Variants in AP1B1 observed in about 807,000 individuals in gnomAD.
AP1B1 encodes AP-1 complex subunit beta-1.
In AP1B1, 36 loss-of-function variants were observed where a neutral mutation model predicts 104.3. The observed-to-expected ratio is 0.35, with a 90% confidence interval of 0.26 to 0.46. The LOEUF is 0.46. Ranked by LOEUF, AP1B1 falls within the 20% of genes least tolerant of loss-of-function variation. AP1B1 has a pLI of 1.00. For missense variants in AP1B1, 901 were observed against 1,247.9 expected (o/e 0.72, Z 4.19); for synonymous variants, 504 against 517.5 (o/e 0.97, Z 0.35).
intron 1 of AP1B1, among the ~76,000 whole-genome samples, chr22:29,375,885 T>A (rs1310239686): frequency 6.6e-6 from 1 of 152,208 alleles, no homozygotes; most frequent in Admixed American, 6.5e-5. Context: ...TCACTATGCC[T>A]ACCTCTCCCC....
chr22:29,355,531 C>A (rs2061943392), intron 6 of AP1B1, among the ~76,000 whole-genome samples: 1 of 152,000 alleles, frequency 6.6e-6, no homozygotes, highest in African/African-American at 2.4e-5. Context: ...GCTTGATAAC[C>A]CCTAGCAGGT....
chr22:29,354,077 T>C (rs1384939391), intron 7 of AP1B1, among the ~76,000 whole-genome samples: 26 of 152,130 alleles, frequency 1.7e-4, no homozygotes, highest in Non-Finnish European at 2.9e-5. Context: ...GCCATTCTCA[T>C]GGGAGGGAAG....
intron 14 of AP1B1, 33 bp from the exon 15 acceptor site, chr22:29,339,807 G>T (rs1463258313): frequency 6.2e-7 from 1 of 1,601,508 alleles, no homozygotes; most frequent in Admixed American, 1.7e-5. Flanking sequence ...GAAGAGAACA[G>T]GCAGCCACAT....
At chr22:29,373,186 A>G (rs1193887676) in intron 1 of AP1B1, among the ~76,000 whole-genome samples, 1 of 152,006 alleles carries the variant, frequency 6.6e-6, no homozygotes, top group Non-Finnish European at 1.5e-5. Context: ...TGGGAGGACT[A>G]CTTGAGCCTG....
chr22:29,337,235 G>A (rs893477282), intron 16 of AP1B1, among the ~76,000 whole-genome samples: 5 of 152,312 alleles, frequency 3.3e-5, no homozygotes, highest in Admixed American at 3.3e-4. Context: ...TGTGACCTTA[G>A]GCAAAAGCAC....
intron 11 of AP1B1, among the ~76,000 whole-genome samples, chr22:29,347,479 G>C (rs2061810844): frequency 6.6e-6 from 1 of 152,202 alleles, no homozygotes; most frequent in African/African-American, 2.4e-5. Context: ...CCAGGAAGGG[G>C]CAGAGGAGGG....
At chr22:29,361,316 G>C (rs1348357752) in intron 3 of AP1B1, among the ~76,000 whole-genome samples, 2 of 152,182 alleles carry the variant, frequency 1.3e-5, no homozygotes, top group Non-Finnish European at 2.9e-5. Flanking sequence ...GGAGCAGTGG[G>C]AGCCTATCTT....
intron 1 of AP1B1, among the ~76,000 whole-genome samples, chr22:29,374,279 C>G (rs1168477499): frequency 1.1e-5 from 1 of 90,502 alleles, no homozygotes; most frequent in African/African-American, 6.4e-5. Flanking sequence ...AACATTGCAT[C>G]CAGAGGAAAG....
intron 5 of AP1B1, 112 bp downstream of exon 5, chr22:29,358,614 G>C (rs959464575): frequency 2.7e-5 from 38 of 1,417,740 alleles, no homozygotes; most frequent in Non-Finnish European, 3.7e-5. Flanking sequence ...GGCACCCCCA[G>C]CCAGGCTCCG....
intron 1 of AP1B1, among the ~76,000 whole-genome samples, chr22:29,383,229 A>G (rs1317576417): frequency 6.6e-6 from 1 of 152,160 alleles, no homozygotes; most frequent in African/African-American, 2.4e-5. Context: ...AGATCGGGCA[A>G]TGAAGACCAC....
rs98069 is a variant in AP1B1, at chr22:29,334,636, A to G, written c.2164-226T>C. Among the ~76,000 whole-genome samples the G allele has an allele frequency of 0.66, 100,101 of 152,082 alleles. 33,674 individuals carry two copies. The highest frequency in any genetic ancestry group is 0.8 in the African/African-American group (33,252 of 41,500). ...GACAGGCTGCCTCTCGGAGCAGCTCAGGGTGGGGAGGCACTTCAGCGCTCC... is the reference window on the plus strand; with the variant it reads ...GACAGGCTGCCTCTCGGAGCAGCTCGGGGTGGGGAGGCACTTCAGCGCTCC... On this transcript the variant is annotated intron_variant, in intron 16 of 22. Transcript: ENST00000357586.
At chr22:29,383,690 C>CAAAA (rs35180572) in intron 1 of AP1B1, among the ~76,000 whole-genome samples, 5 of 89,792 alleles carry the variant, frequency 5.6e-5, no homozygotes, top group African/African-American at 1.4e-4. Flanking sequence ...GACTCCGTCT[C>CAAAA]AAAAAAAAAA....
At chr22:29,355,953 G>T (rs937708007) in intron 6 of AP1B1, among the ~76,000 whole-genome samples, 1 of 152,054 alleles carries the variant, frequency 6.6e-6, no homozygotes, top group African/African-American at 2.4e-5. Context: ...AGGGTATCTT[G>T]TTGGTTAAGA....
In AP1B1 at chr22:29,328,723, C is replaced by T; in HGVS notation, c.*98G>A. ...AGGGAGCCCACTGAGTGGCCTGGAG[C>T]CCCGCCTGGTCCCTCCTGCGAGGAG... On this transcript the variant is annotated 3_prime_UTR_variant, in exon 23 of 23. Coordinates refer to ENST00000357586, the MANE Select transcript of AP1B1 (RefSeq NM_001127.4). The surrounding 1 kb of genome is among the most constrained non-coding windows in gnomAD (Gnocchi z 4.1). The T allele has an allele frequency of 6.9e-7, 1 of 1,442,284 alleles. No homozygotes were observed. Among genetic ancestry groups the T allele is most frequent in the African/African-American group, 1.4e-5 (1 of 71,340 alleles). 89.3% of individuals were successfully genotyped at this position (1,442,284 alleles called of 1,614,324 possible). A position where few individuals can be genotyped will look rare whatever the true frequency, so the allele number is the denominator to read the frequency against.
chr22:29,371,931 C>T (rs1357831040), intron 1 of AP1B1, among the ~76,000 whole-genome samples: 3 of 152,054 alleles, frequency 2.0e-5, no homozygotes, highest in Non-Finnish European at 4.4e-5. Context: ...CATTTACAGG[C>T]CAAGAAATGC....
Position 29,328,743 on chromosome 22 carries a change from G to A in AP1B1, c.*78C>T, listed in dbSNP as rs1416845996. 45 of 1,513,824 alleles carry A rather than the reference G, an allele frequency of 3.0e-5. No individual in the cohort carries two copies. In the Admixed American group the frequency reaches 6.5e-4, roughly 22 times the overall value. 93.8% of individuals were successfully genotyped at this position (1,513,824 alleles called of 1,614,324 possible). ...TGGAGCCCCGCCTGGTCCCTCCTGC[G>A]AGGAGGAAGATGTGCTGCCCCCGAG... is the stretch of plus-strand genomic sequence containing the variant. On this transcript the variant is annotated 3_prime_UTR_variant, in exon 23 of 23. Coordinates refer to ENST00000357586, the MANE Select transcript of AP1B1 (RefSeq NM_001127.4). This position sits in a 1 kb window ranked among gnomAD's most constrained non-coding sequence, Gnocchi z 4.1.
At chr22:29,357,069 G>GTT (rs751097794) in intron 5 of AP1B1, among the ~76,000 whole-genome samples, 1 of 125,026 alleles carries the variant, frequency 8.0e-6, no homozygotes, top group Non-Finnish European at 1.7e-5. Flanking sequence ...TTTGTTTTTT[G>GTT]TTTTTTTTTT....
chr22:29,341,241 A>G (rs2061710251), intron 13 of AP1B1, among the ~76,000 whole-genome samples: 1 of 152,240 alleles, frequency 6.6e-6, no homozygotes, highest in Admixed American at 6.5e-5. Context: ...TAGCTGTGAG[A>G]TCCTGGACCA....
At chr22:29,356,897 C>A (rs145292602) in intron 5 of AP1B1, among the ~76,000 whole-genome samples, 1 of 152,276 alleles carries the variant, frequency 6.6e-6, no homozygotes, top group Admixed American at 6.5e-5. Context: ...AACACAGCAG[C>A]GCCTGTCTAC....
Sources: gnomAD v4.1 joint callset for allele counts (sites outside exome capture counted in the v4.1 genomes callset) on GRCh38, gnomAD v4.1.1 for gene constraint, Gnocchi (gnomAD v3.1) non-coding constraint, MANE v1.5 for transcripts, NCBI Gene and HGNC (gene_info 2026-07-23, HGNC 2026-07-21) for gene names.